Variants in GNG7 observed in about 807,000 individuals in gnomAD.
GNG7 encodes guanine nucleotide-binding protein G(I)/G(S)/G(O) subunit gamma-7.
In GNG7, 1 loss-of-function variant was observed where a neutral mutation model predicts 4.0. The observed-to-expected ratio is 0.25, with a 90% CI of 0.09 to 1.18. The LOEUF is 1.18. Among genes scored for constraint, GNG7 ranks in the 50% most tolerant of loss-of-function variants. The pLI, the probability that GNG7 is intolerant of heterozygous loss-of-function variation, is 0.50. For missense variants in GNG7, 86 were observed against 91.9 expected (o/e 0.94, Z 0.26); for synonymous variants, 34 against 36.9 (o/e 0.92, Z 0.29).
At position 2,511,859 on chromosome 19, in the gene GNG7, G is replaced by T; in HGVS notation, c.*3163C>A. The T allele has an allele frequency of 1.0e-6, 1 of 986,222 alleles. No homozygotes were observed. Among genetic ancestry groups the T allele is most frequent in the South Asian group, 4.7e-5 (1 of 21,296 alleles). 61.1% of individuals were successfully genotyped at this position (986,222 alleles called of 1,614,324 possible). ...CTGGGGTTACCCCTGGGGAGGGTGG[G>T]AGAGGGGTGAGGGTTCTGGCTCCTT... On this transcript the variant is annotated 3_prime_UTR_variant, in exon 5 of 5. Transcript: ENST00000382159. The surrounding 1 kb of genome is among the most constrained non-coding windows in gnomAD (Gnocchi z 6.3).
intron 3 of GNG7, among the ~76,000 whole-genome samples, chr19:2,548,909 G>A (rs1242352005): frequency 1.3e-5 from 2 of 152,338 alleles, no homozygotes; most frequent in East Asian, 3.9e-4. Context: ...GTTCCAGCCA[G>A]GAGCGGCTTT....
intron 1 of GNG7, among the ~76,000 whole-genome samples, chr19:2,669,022 A>G (rs886474205): frequency 6.6e-6 from 1 of 152,184 alleles, no homozygotes; most frequent in Non-Finnish European, 1.5e-5. Flanking sequence ...TAAGGGATAC[A>G]TATAATCCTC....
At chr19:2,697,888 C>A (rs1348369243) in intron 1 of GNG7, among the ~76,000 whole-genome samples, 1 of 151,952 alleles carries the variant, frequency 6.6e-6, no homozygotes, top group Non-Finnish European at 1.5e-5. Flanking sequence ...AGGAGAATCG[C>A]TTGAACCCGG....
chr19:2,664,665 G>A (rs1983260341), intron 1 of GNG7, among the ~76,000 whole-genome samples: 1 of 152,200 alleles, frequency 6.6e-6, no homozygotes, highest in Admixed American at 6.5e-5. Flanking sequence ...TGGGAGGATG[G>A]CCCCGGCTGA....
At chr19:2,595,518 G>A (rs1164397519) in intron 2 of GNG7, among the ~76,000 whole-genome samples, 2 of 151,778 alleles carry the variant, frequency 1.3e-5, no homozygotes, top group Admixed American at 6.6e-5. Flanking sequence ...TGGATTGCCT[G>A]AGCTCAGGAG....
At chr19:2,528,440 G>A (rs543921075) in intron 3 of GNG7, among the ~76,000 whole-genome samples, 5 of 150,712 alleles carry the variant, frequency 3.3e-5, no homozygotes, top group East Asian at 3.9e-4. Flanking sequence ...AAAATTAGCC[G>A]GGCATGGCGG....
chr19:2,571,284 C>T (rs577964137), intron 2 of GNG7, among the ~76,000 whole-genome samples: 4 of 152,230 alleles, frequency 2.6e-5, no homozygotes, highest in South Asian at 2.1e-4. Context: ...GAAAATGTGG[C>T]GGCATTGTCG....
chr19:2,561,318 G>A (rs1979734518), intron 2 of GNG7, among the ~76,000 whole-genome samples: 1 of 152,116 alleles, frequency 6.6e-6, no homozygotes, highest in African/African-American at 2.4e-5. Flanking sequence ...TGGAGGCCAG[G>A]GACGCTGTTC....
At chr19:2,543,561 C>T (rs1176870589) in intron 3 of GNG7, among the ~76,000 whole-genome samples, 2 of 152,036 alleles carry the variant, frequency 1.3e-5, no homozygotes, top group Non-Finnish European at 2.9e-5. Flanking sequence ...GATGAGGGTG[C>T]AGCATTAAAA....
chr19:2,606,560 C>T (rs1981389078), intron 2 of GNG7, among the ~76,000 whole-genome samples: 1 of 151,828 alleles, frequency 6.6e-6, no homozygotes, highest in Non-Finnish European at 1.5e-5. Context: ...GAGGCTGAGG[C>T]AGCAGAATCG....
intron 1 of GNG7, among the ~76,000 whole-genome samples, chr19:2,651,528 T>C (rs1443810092): frequency 1.4e-5 from 2 of 143,184 alleles, no homozygotes; most frequent in Non-Finnish European, 3.0e-5. Flanking sequence ...TCCTTCTTTC[T>C]TCTTTCTCTT....
chr19:2,569,659 G>A (rs986263403), intron 2 of GNG7, among the ~76,000 whole-genome samples: 5 of 152,168 alleles, frequency 3.3e-5, no homozygotes, highest in Admixed American at 2.6e-4. Flanking sequence ...TAGCACTGTG[G>A]ACACTGTAGC....
chr19:2,592,474 C>T (rs938481680), intron 2 of GNG7, among the ~76,000 whole-genome samples: 4 of 152,076 alleles, frequency 2.6e-5, no homozygotes, highest in African/African-American at 9.7e-5. Flanking sequence ...GTGGCTCATG[C>T]CTGTAATCCC....
At chr19:2,658,066 G>A (rs919981869) in intron 1 of GNG7, among the ~76,000 whole-genome samples, 9 of 152,014 alleles carry the variant, frequency 5.9e-5, no homozygotes, top group East Asian at 1.9e-4. Flanking sequence ...GGCCACTACC[G>A]GTCTTCATGT....
chr19:2,527,136 T>A (rs1978431318), intron 3 of GNG7, among the ~76,000 whole-genome samples: 1 of 152,126 alleles, frequency 6.6e-6, no homozygotes, highest in Non-Finnish European at 1.5e-5. Flanking sequence ...GAGCCACTGC[T>A]CCCGGCCCTA....
intron 2 of GNG7, chr19:2,595,035 G>C (rs562263418): frequency 1.3e-5 from 2 of 152,064 alleles, no homozygotes; most frequent in African/African-American, 4.8e-5. Context: ...TGGGAGGATC[G>C]CTTGAGCCCA....
chr19:2,557,729 C>G lies in GNG7; in HGVS notation c.-77-2541G>C, dbSNP rs963409766. Among the ~76,000 whole-genome samples the G allele has an allele frequency of 2.6e-5, 4 of 152,162 alleles. No homozygotes were observed. Among genetic ancestry groups the G allele is most frequent in the Non-Finnish European group, 4.4e-5 (3 of 68,028 alleles). On this transcript the variant is annotated intron_variant, in intron 2 of 4. Coordinates refer to ENST00000382159, the MANE Select transcript of GNG7 (RefSeq NM_052847.3). This position sits in a 1 kb window ranked among gnomAD's most constrained non-coding sequence, Gnocchi z 5.1. ...GCTGGGGCCACCTCACCTGCAGCCC[C>G]GGGTCAGCCTCAGAACCCACAGGAC...
intron 3 of GNG7, among the ~76,000 whole-genome samples, chr19:2,539,913 CTCTT>C (rs1398935053): frequency 2.8e-5 from 4 of 144,102 alleles, no homozygotes; most frequent in African/African-American, 5.4e-5. Context: ...CCCTCCCTCC[CTCTT>C]TCTCTTTCTT....
intron 3 of GNG7, among the ~76,000 whole-genome samples, chr19:2,542,568 C>T (rs983713711): frequency 2.6e-5 from 4 of 152,164 alleles, no homozygotes; most frequent in Admixed American, 6.6e-5. Context: ...AGACAGCAGG[C>T]GGCTCACGTT....
Sources: gnomAD v4.1 joint callset for allele counts (sites outside exome capture counted in the v4.1 genomes callset) on GRCh38, gnomAD v4.1.1 for gene constraint, Gnocchi (gnomAD v3.1) non-coding constraint, MANE v1.5 for transcripts, NCBI Gene and HGNC (gene_info 2026-07-23, HGNC 2026-07-21) for gene names.